The following GRID2 variants were observed in gnomAD, a reference collection of about 807,000 sequenced individuals.
GRID2 encodes glutamate ionotropic receptor delta type subunit 2, also known as glutamate receptor ionotropic, delta-2.
In GRID2, 33 loss-of-function variants were observed where a neutral mutation model predicts 114.8. The ratio of observed to expected loss-of-function variants is 0.29; its 90% confidence interval spans 0.22 to 0.38. The LOEUF is 0.38. Ranked by LOEUF, GRID2 falls within the 10% of genes least tolerant of loss-of-function variation. The pLI is 1.00. For synonymous variants in GRID2, 505 were observed against 449.9 expected, an observed-to-expected ratio of 1.12 and a Z score of -1.55; for missense variants, 1,184 against 1,257.7, an observed-to-expected ratio of 0.94 and a Z score of 0.89.
intron 4 of GRID2, among the ~76,000 whole-genome samples, chr4:93,123,128 G>C (rs1972093): frequency 1 from 151,596 of 152,098 alleles, 75,551 homozygotes; most frequent in Middle Eastern, 1. Flanking sequence ...CCAAATTACC[G>C]CTCTTGTGAC....
At chr4:92,892,853 T>G (rs555943166) in intron 2 of GRID2, among the ~76,000 whole-genome samples, 13 of 152,294 alleles carry the variant, frequency 8.5e-5, no homozygotes, top group Admixed American at 6.5e-4. Flanking sequence ...TGTTGACACT[T>G]TAAAATTAAT....
intron 13 of GRID2, among the ~76,000 whole-genome samples, chr4:93,517,827 C>A (rs544648290): frequency 1.1e-3 from 170 of 151,148 alleles, no homozygotes; most frequent in African/African-American, 4.1e-3. Context: ...CATCAGAGGT[C>A]TTTTAGGTCA....
intron 14 of GRID2, among the ~76,000 whole-genome samples, chr4:93,669,447 T>C (rs770989536): frequency 1.3e-5 from 2 of 152,056 alleles, no homozygotes; most frequent in African/African-American, 2.4e-5. Context: ...TAAAATGATA[T>C]GCTACCAGAC....
chr4:92,905,033 A>G (rs892106175), intron 2 of GRID2, among the ~76,000 whole-genome samples: 2 of 152,080 alleles, frequency 1.3e-5, no homozygotes, highest in Non-Finnish European at 2.9e-5. Flanking sequence ...CCTTTTAGGA[A>G]TACTGAGCTA....
intron 1 of GRID2, among the ~76,000 whole-genome samples, chr4:92,580,264 G>A (rs11730343): frequency 0.087 from 13,127 of 151,264 alleles, 683 homozygotes; most frequent in African/African-American, 0.14. Context: ...GGACATATTG[G>A]AAAAATAATC....
chr4:93,738,725 A>T (rs1197077553), intron 14 of GRID2, among the ~76,000 whole-genome samples: 2 of 152,156 alleles, frequency 1.3e-5, no homozygotes, highest in Admixed American at 6.6e-5. Context: ...TAATATGGAG[A>T]TCCCACTGAG....
intron 2 of GRID2, among the ~76,000 whole-genome samples, chr4:92,802,612 C>T (rs2149373242): frequency 6.6e-6 from 1 of 152,026 alleles, no homozygotes; most frequent in South Asian, 2.1e-4. Context: ...AATTCTGTTT[C>T]TACTGCGTTA....
intron 1 of GRID2, among the ~76,000 whole-genome samples, chr4:92,338,428 A>G (rs1339523294): frequency 6.6e-6 from 1 of 152,152 alleles, no homozygotes; most frequent in Non-Finnish European, 1.5e-5. Flanking sequence ...TTGTCTACTG[A>G]CACATAGTTT....
intron 13 of GRID2, among the ~76,000 whole-genome samples, chr4:93,521,248 T>G (rs1730308388): frequency 6.6e-6 from 1 of 152,136 alleles, no homozygotes. Context: ...TAATATGAAA[T>G]GCTTACTCAT....
intron 13 of GRID2, among the ~76,000 whole-genome samples, chr4:93,570,470 G>C (rs548518142): frequency 2.0e-5 from 3 of 152,278 alleles, no homozygotes; most frequent in African/African-American, 7.2e-5. Flanking sequence ...AGTTGGTTAA[G>C]GGGCTGTCGG....
chr4:93,010,557 A>G (rs1168737276), intron 2 of GRID2, among the ~76,000 whole-genome samples: 1 of 152,136 alleles, frequency 6.6e-6, no homozygotes, highest in Non-Finnish European at 1.5e-5. Flanking sequence ...GACGCCAGAA[A>G]GGTACCTTAG....
At position 93,366,738 on chromosome 4, in the gene GRID2, G is replaced by A. The variant is rs189848356; in HGVS notation, c.1246-28869G>A. ...CATGTGATGTCTACCCCGGACGCCC[G>A]GCTTTAAAATTTCTCTCTTTTGTAC... On this transcript the variant is annotated intron_variant, in intron 8 of 15. Coordinates refer to ENST00000282020, the MANE Select transcript of GRID2 (RefSeq NM_001510.4). 5.0e-3 allele frequency among the ~76,000 whole-genome samples: 754 copies of A among 151,978 alleles called. 3 individuals are homozygous for A. Among genetic ancestry groups the A allele is most frequent in the Non-Finnish European group, 8.3e-3 (567 of 67,974 alleles).
chr4:92,878,367 A>AT (rs1347830940), intron 2 of GRID2, among the ~76,000 whole-genome samples: 1 of 152,114 alleles, frequency 6.6e-6, no homozygotes, highest in African/African-American at 2.4e-5. Flanking sequence ...ATTTGAAATC[A>AT]TTTTTATGTA....
intron 2 of GRID2, among the ~76,000 whole-genome samples, chr4:92,679,823 GA>G (rs1388805752): frequency 6.6e-6 from 1 of 151,482 alleles, no homozygotes; most frequent in Non-Finnish European, 1.5e-5. Context: ...TAGAAAATAA[GA>G]AAATTGGAAT....
At chr4:92,700,922 A>T (rs951413379) in intron 2 of GRID2, among the ~76,000 whole-genome samples, 7 of 146,922 alleles carry the variant, frequency 4.8e-5, no homozygotes, top group Non-Finnish European at 8.9e-5. Flanking sequence ...TGAACCCGGG[A>T]GGTGGAGCTT....
At chr4:93,359,024 G>A (rs2149271800) in intron 8 of GRID2, among the ~76,000 whole-genome samples, 1 of 152,144 alleles carries the variant, frequency 6.6e-6, no homozygotes, top group South Asian at 2.1e-4. Context: ...GGGATGTTCT[G>A]CTGAACTGGA....
intron 2 of GRID2, among the ~76,000 whole-genome samples, chr4:92,689,055 T>C (rs1455651242): frequency 1.3e-5 from 2 of 152,192 alleles, no homozygotes; most frequent in African/African-American, 4.8e-5. Context: ...CCAGTATCAA[T>C]GAGCACTAAT....
intron 2 of GRID2, among the ~76,000 whole-genome samples, chr4:92,932,136 G>C (rs1750286613): frequency 6.6e-6 from 1 of 151,154 alleles, no homozygotes; most frequent in Non-Finnish European, 1.5e-5. Flanking sequence ...ATAAGAAAAA[G>C]AGTCGGGAAA....
intron 2 of GRID2, among the ~76,000 whole-genome samples, chr4:92,789,337 T>A (rs1307489219): frequency 2.6e-5 from 4 of 151,900 alleles, no homozygotes; most frequent in African/African-American, 9.7e-5. Context: ...GATATCACTG[T>A]TTTCAGGACT....
Sources: gnomAD v4.1 joint callset for allele counts (sites outside exome capture counted in the v4.1 genomes callset) on GRCh38, gnomAD v4.1.1 for gene constraint, MANE v1.5 for transcripts, NCBI Gene and HGNC (gene_info 2026-07-23, HGNC 2026-07-21) for gene names.